The following FSHR variants were observed in gnomAD, a reference collection of about 807,000 sequenced individuals.
The protein encoded by FSHR is follicle stimulating hormone receptor, also known as follicle-stimulating hormone receptor.
Under a neutral mutation model 52.1 loss-of-function variants are expected in FSHR, and 46 were observed. The observed-to-expected ratio is 0.88, with a 90% CI of 0.70 to 1.13. FSHR has a LOEUF of 1.13. Among genes scored for constraint, FSHR ranks in the 50% most tolerant of loss-of-function variants. FSHR has a pLI of 0.00. For missense variants in FSHR, 964 were observed against 834.6 expected (o/e 1.16, Z -1.91); for synonymous variants, 399 against 309.6 (o/e 1.29, Z -3.03).
chr2:49,078,695 A>G (rs905667), intron 1 of FSHR, among the ~76,000 whole-genome samples: 74,100 of 151,982 alleles, frequency 0.49, 18,819 homozygotes, highest in East Asian at 0.78. Context: ...AATCTATCAC[A>G]ATAAAAGTTT....
At chr2:49,040,882 A>G (rs1021372977) in intron 2 of FSHR, among the ~76,000 whole-genome samples, 1 of 152,206 alleles carries the variant, frequency 6.6e-6, no homozygotes, top group Non-Finnish European at 1.5e-5. Context: ...GCCTTAAATC[A>G]GGGCCCAGCG....
chr2:49,089,435 T>C (rs1454993877), intron 1 of FSHR, among the ~76,000 whole-genome samples: 1 of 152,164 alleles, frequency 6.6e-6, no homozygotes, highest in East Asian at 1.9e-4. Context: ...ATAAATAGCA[T>C]ACATGTTGAA....
intron 2 of FSHR, among the ~76,000 whole-genome samples, chr2:49,057,835 G>A (rs1669122801): frequency 6.6e-6 from 1 of 152,132 alleles, no homozygotes; most frequent in African/African-American, 2.4e-5. Flanking sequence ...AATTAAGTGG[G>A]ATTTATCTGA....
In FSHR at chr2:49,017,525, G is replaced by C; in HGVS notation, c.338C>G (p.Pro113Arg). 2 of 1,613,544 alleles carry C rather than the reference G, an allele frequency of 1.2e-6. No individual in the cohort carries two copies. The highest frequency in any genetic ancestry group is 1.7e-6 in the Non-Finnish European group (2 of 1,179,662). Residue 113 changes from proline to arginine, a missense_variant, in exon 4 of 10, where the codon CCT (proline) becomes CGT (arginine). By Grantham distance (103) the Pro-to-Arg change is moderately radical. Transcript: ENST00000406846. ...EKANNLLYINPEAFQNLPNLQ... is the reference protein window; with the variant it reads ...EKANNLLYINREAFQNLPNLQ... ...GTTGGGAAGGTTCTGGAAGGCCTCA[G>C]GGTTGATGTAGAGCAGGTTGTTGGC... is the stretch of plus-strand genomic sequence containing the variant.
chr2:49,068,323 C>G (rs373161295), intron 1 of FSHR, 33 bp from the exon 2 acceptor site: 1 of 1,552,198 alleles, frequency 6.4e-7, no homozygotes, highest in South Asian at 1.1e-5. Flanking sequence ...ATATCACAAC[C>G]TATCCATTAA....
chr2:48,991,836 G>A (rs1675795864), intron 4 of FSHR, among the ~76,000 whole-genome samples: 1 of 152,170 alleles, frequency 6.6e-6, no homozygotes, highest in African/African-American at 2.4e-5. Context: ...ACTTACTCAA[G>A]ATGGAGGTGG....
intron 4 of FSHR, among the ~76,000 whole-genome samples, chr2:49,007,957 T>C (rs572588255): frequency 3.9e-5 from 6 of 152,154 alleles, no homozygotes; most frequent in African/African-American, 1.4e-4. Context: ...AACTAGTAAA[T>C]GGCAGGGTCA....
intron 1 of FSHR, among the ~76,000 whole-genome samples, chr2:49,116,242 C>A (rs545075176): frequency 3.3e-5 from 5 of 151,990 alleles, no homozygotes; most frequent in African/African-American, 7.3e-5. Flanking sequence ...AATAGGGAAC[C>A]CTGAGAGGTT....
intron 1 of FSHR, 130 bp downstream of exon 1, chr2:49,154,136 T>C: frequency 1.0e-6 from 1 of 983,926 alleles, no homozygotes; most frequent in Non-Finnish European, 1.6e-6. Flanking sequence ...GTTAGTTGTT[T>C]TATTCAGGAC....
chr2:49,153,929 C>T (rs960769958), intron 1 of FSHR, among the ~76,000 whole-genome samples: 1 of 152,196 alleles, frequency 6.6e-6, no homozygotes, highest in Non-Finnish European at 1.5e-5. Context: ...TCCTAAGTTT[C>T]TACTTTGCCT....
chr2:48,962,812 C>T lies in FSHR; in HGVS notation c.2009G>A (p.Gly670Asp). ...GACTCTGGGAGCTGAAGAGCAGTGG[C>T]CATTCCTTGGATGGGTGTTGTGGAC... ...STVHNTHPRN[G>D]HCSSAPRVTS... The change falls in exon 10 of 10, where the codon GGC becomes GAC. Residue 670 changes from glycine (G) to aspartate (D), a missense_variant. Transcript: ENST00000406846. 6.2e-7 allele frequency: 1 copy of T among 1,614,094 alleles called. No individual in the cohort carries two copies. The highest frequency in any genetic ancestry group is 8.5e-7 in the Non-Finnish European group (1 of 1,179,994).
intron 2 of FSHR, among the ~76,000 whole-genome samples, chr2:49,046,512 A>C (rs1668660884): frequency 6.6e-6 from 1 of 152,328 alleles, no homozygotes; most frequent in South Asian, 2.1e-4. Context: ...TAAGATTCTT[A>C]TGATCAGATA....
At chr2:49,005,446 T>G (rs978741048) in intron 4 of FSHR, among the ~76,000 whole-genome samples, 1 of 152,124 alleles carries the variant, frequency 6.6e-6, no homozygotes, top group African/African-American at 2.4e-5. Flanking sequence ...CATGGCAACA[T>G]CCTTAGATCC....
intron 1 of FSHR, among the ~76,000 whole-genome samples, chr2:49,080,905 G>A (rs1417782883): frequency 6.6e-6 from 1 of 152,050 alleles, no homozygotes; most frequent in African/African-American, 2.4e-5. Context: ...AATTACCTAG[G>A]TCCAGGTATC....
At chr2:49,140,060 C>A (rs1319123237) in intron 1 of FSHR, among the ~76,000 whole-genome samples, 2 of 152,124 alleles carry the variant, frequency 1.3e-5, no homozygotes, top group Non-Finnish European at 2.9e-5. Context: ...ACTTAGGGAA[C>A]TATGGATTTG....
chr2:49,001,731 T>C, intron 4 of FSHR, among the ~76,000 whole-genome samples: 1 of 152,124 alleles, frequency 6.6e-6, no homozygotes, highest in East Asian at 1.9e-4. Context: ...AAGGTGTCAA[T>C]ATTGTGTTCT....
chr2:48,969,977 A>G lies in FSHR; in HGVS notation c.669-1094T>C, dbSNP rs1674666331. Among the ~76,000 whole-genome samples, 6 of 152,184 alleles carry G rather than the reference A, an allele frequency of 3.9e-5. 1 individual carries two copies. In the South Asian group the frequency reaches 1.2e-3, roughly 32 times the overall value. On this transcript the variant is annotated intron_variant, in intron 8 of 9. Coordinates refer to ENST00000406846, the MANE Select transcript of FSHR (RefSeq NM_000145.4). ...CTGATGGGGATGGTAGCAAGTGATG[A>G]CCAGGATGAGTTCATTTTAGCATCC...
chr2:49,154,389 G>A lies in FSHR; in HGVS notation c.29C>T (p.Ala10Val). The change falls in exon 1 of 10, where the codon GCA becomes GTA. Residue 10 changes from alanine to valine, a missense_variant. Ala to Val is a moderately conservative substitution (Grantham distance 64). Coordinates refer to ENST00000406846, the MANE Select transcript of FSHR (RefSeq NM_000145.4). MALLLVSLL[A>V]FLSLGSGCHH... Reference sequence around the variant, plus strand: ...ACATCCTGAGCCCAAGCTCAGGAATGCCAGCAAAGAGACCAGGAGCAGGGC... The same window carrying A: ...ACATCCTGAGCCCAAGCTCAGGAATACCAGCAAAGAGACCAGGAGCAGGGC... 1 of 1,613,066 alleles carries A rather than the reference G, an allele frequency of 6.2e-7. No homozygotes were observed. The highest frequency in any genetic ancestry group is 8.5e-7 in the Non-Finnish European group (1 of 1,179,916).
At chr2:48,985,517 C>T (rs550847019) in intron 6 of FSHR, among the ~76,000 whole-genome samples, 14 of 152,216 alleles carry the variant, frequency 9.2e-5, no homozygotes, top group Admixed American at 2.6e-4. Flanking sequence ...TACCAGGGCA[C>T]AGTGCGGGTG....
Sources: allele counts gnomAD v4.1 joint callset (sites outside exome capture counted in the v4.1 genomes callset), GRCh38; gene constraint gnomAD v4.1.1; transcripts MANE v1.5; gene names NCBI Gene and HGNC (gene_info 2026-07-23, HGNC 2026-07-21).